DISP1: variants seen among roughly 807,000 people sequenced by gnomAD.
DISP1 encodes the protein protein dispatched homolog 1.
Under a neutral mutation model 37.3 loss-of-function variants are expected in DISP1, and 30 were observed. The ratio of observed to expected loss-of-function variants is 0.80; its 90% CI spans 0.60 to 1.09. DISP1 has a LOEUF of 1.09. DISP1 is among the 50% of genes least tolerant of loss of function. The pLI is 0.00. For missense variants in DISP1, 1,598 were observed against 1,879.5 expected, an observed-to-expected ratio of 0.85 and a Z score of 2.77; for synonymous variants, 634 against 690.2, an observed-to-expected ratio of 0.92 and a Z score of 1.28.
intron 1 of DISP1, among the ~76,000 whole-genome samples, chr1:222,905,100 A>G (rs868054546): frequency 5.1e-4 from 78 of 152,314 alleles, no homozygotes; most frequent in African/African-American, 1.8e-3. Flanking sequence ...AAACTGATTT[A>G]AGAACAAGTT....
chr1:223,002,505 A>G lies in DISP1; in HGVS notation c.1108A>G (p.Ile370Val). The G allele has an allele frequency of 1.2e-6, 2 of 1,614,180 alleles. No individual in the cohort carries two copies. The highest frequency in any genetic ancestry group is 1.7e-6 in the Non-Finnish European group (2 of 1,180,036). ...ILNNRSSCQK[I>V]VERDVSHTLK... ...GAACAATAGATCGTCCTGTCAGAAA[A>G]TAGTTGAGCGAGACGTTTCTCATAC... The change falls in exon 9 of 9, where the codon ATA becomes GTA. Residue 370 changes from isoleucine (I) to valine (V), a missense_variant. Physicochemically the swap from Ile to Val is conservative, Grantham distance 29. Coordinates refer to ENST00000675850, the MANE Select transcript of DISP1 (RefSeq NM_001377229.1).
chr1:222,994,739 G>A, intron 7 of DISP1, 146 bp from the exon 8 acceptor site: 4 of 638,704 alleles, frequency 6.3e-6, no homozygotes, highest in Non-Finnish European at 1.1e-5. Flanking sequence ...ATTTTCTCCT[G>A]GAATTTATCA....
At chr1:222,816,098 TATATAA>T (rs1464519308) in intron 1 of DISP1, among the ~76,000 whole-genome samples, 4 of 137,396 alleles carry the variant, frequency 2.9e-5, no homozygotes, top group Non-Finnish European at 4.8e-5. Context: ...TATATATATA[TATATAA>T]ATATTTGCCA....
Position 223,004,170 on chromosome 1 carries a change from T to G in DISP1, c.2773T>G (p.Leu925Val), listed in dbSNP as rs1356125293. The G allele has an allele frequency of 6.2e-6, 10 of 1,614,054 alleles. No individual in the cohort carries two copies. Among genetic ancestry groups the G allele is most frequent in the Non-Finnish European group, 8.5e-6 (10 of 1,180,020 alleles). The part of the protein sequence containing the change: ...DINDTIRAVV[L>V]EFQSTYLFTL... ...CAATGATACTATCAGGGCAGTGGTG[T>G]TAGAGTTCCAGAGTACCTACCTCTT... Residue 925 changes from leucine (L) to valine (V), a missense_variant, in exon 9 of 9, where the codon TTA (leucine) becomes GTA (valine). Leu to Val is a conservative substitution (Grantham distance 32). Transcript: ENST00000675850. The surrounding 1 kb of genome is among the most constrained non-coding windows in gnomAD (Gnocchi z 4.9).
Position 223,004,182 on chromosome 1 carries a change from A to T in DISP1, c.2785A>T (p.Ser929Cys). The change falls in exon 9 of 9, where the codon AGT becomes TGT. Residue 929 changes from serine (S) to cysteine (C), a missense_variant. Ser to Cys is a moderately radical substitution (Grantham distance 112). Transcript: ENST00000675850. This position sits in a 1 kb window ranked among gnomAD's most constrained non-coding sequence, Gnocchi z 4.9. ...CAGGGCAGTGGTGTTAGAGTTCCAG[A>T]GTACCTACCTCTTCACACTGGCTTA... ...TIRAVVLEFQSTYLFTLAYEK... is the reference protein window; with the variant it reads ...TIRAVVLEFQCTYLFTLAYEK... 8 of 1,614,178 alleles carry T rather than the reference A, an allele frequency of 5.0e-6. 2 individuals carry two copies. In the Middle Eastern group the frequency reaches 1.3e-3, roughly 266 times the overall value.
intron 1 of DISP1, among the ~76,000 whole-genome samples, chr1:222,897,138 G>A (rs1042510872): frequency 6.6e-6 from 1 of 152,180 alleles, no homozygotes; most frequent in African/African-American, 2.4e-5. Context: ...TTTTGATATA[G>A]TCATTCAGTG....
intron 1 of DISP1, among the ~76,000 whole-genome samples, chr1:222,904,898 A>G (rs1671814962): frequency 1.3e-5 from 2 of 152,118 alleles, no homozygotes; most frequent in South Asian, 4.1e-4. Context: ...CAGTCATTTG[A>G]TTATATTTTT....
intron 1 of DISP1, among the ~76,000 whole-genome samples, chr1:222,894,796 C>T (rs1671154664): frequency 1.3e-5 from 2 of 152,380 alleles, no homozygotes; most frequent in South Asian, 2.1e-4. Context: ...CCTGCTACAG[C>T]CGGCGACGCT....
chr1:222,935,167 C>T (rs1007118183), intron 2 of DISP1, among the ~76,000 whole-genome samples: 5 of 152,102 alleles, frequency 3.3e-5, no homozygotes, highest in African/African-American at 1.2e-4. Flanking sequence ...AATCTTTATT[C>T]TAACTGCATC....
At chr1:222,863,392 T>C (rs1668994716) in intron 1 of DISP1, among the ~76,000 whole-genome samples, 2 of 152,018 alleles carry the variant, frequency 1.3e-5, no homozygotes, top group Non-Finnish European at 2.9e-5. Flanking sequence ...TAGTGGCGTG[T>C]GCCTGTGGTC....
intron 4 of DISP1, among the ~76,000 whole-genome samples, chr1:222,983,695 T>G (rs1678010717): frequency 6.6e-6 from 1 of 152,184 alleles, no homozygotes; most frequent in Non-Finnish European, 1.5e-5. Flanking sequence ...ATTGGCTTAC[T>G]TAGTGAGGAA....
chr1:222,908,229 T>TA (rs1458826353), intron 1 of DISP1, among the ~76,000 whole-genome samples: 9 of 152,244 alleles, frequency 5.9e-5, no homozygotes, highest in African/African-American at 1.7e-4. Flanking sequence ...TCTTAGAAGA[T>TA]AAAGTTATCA....
chr1:222,891,385 A>C (rs1670933499), intron 1 of DISP1, among the ~76,000 whole-genome samples: 1 of 152,178 alleles, frequency 6.6e-6, no homozygotes, highest in Admixed American at 6.5e-5. Context: ...ATCCAGTAGA[A>C]AGATAGAAAT....
At chr1:222,884,949 G>T (rs2125374085) in intron 1 of DISP1, among the ~76,000 whole-genome samples, 1 of 152,174 alleles carries the variant, frequency 6.6e-6, no homozygotes, top group South Asian at 2.1e-4. Context: ...CCATTCTCCT[G>T]CCTCAGCCCC....
intron 2 of DISP1, among the ~76,000 whole-genome samples, chr1:222,931,685 C>CT (rs5781291): frequency 2.1e-5 from 3 of 140,628 alleles, no homozygotes; most frequent in South Asian, 2.3e-4. Flanking sequence ...CACCAGGAAT[C>CT]TTTTTTTTTT....
intron 7 of DISP1, among the ~76,000 whole-genome samples, chr1:222,993,426 G>A (rs1572720527): frequency 6.6e-6 from 1 of 152,202 alleles, no homozygotes; most frequent in Admixed American, 6.5e-5. Flanking sequence ...AGCTTTTGCT[G>A]TTGGTGTTGA....
At chr1:222,848,097 T>C (rs1453420454) in intron 1 of DISP1, among the ~76,000 whole-genome samples, 1 of 152,184 alleles carries the variant, frequency 6.6e-6, no homozygotes, top group Non-Finnish European at 1.5e-5. Context: ...AACTAGTTAT[T>C]TCAACATTCA....
At chr1:222,882,503 G>A (rs763953770) in intron 1 of DISP1, among the ~76,000 whole-genome samples, 7 of 152,090 alleles carry the variant, frequency 4.6e-5, no homozygotes, top group East Asian at 1.9e-4. Flanking sequence ...TCTTCTCTGC[G>A]TTAGATTTAA....
chr1:222,950,274 T>C (rs1482017421), intron 3 of DISP1, among the ~76,000 whole-genome samples: 1 of 151,966 alleles, frequency 6.6e-6, no homozygotes, highest in Non-Finnish European at 1.5e-5. Flanking sequence ...AGGGAAAGCT[T>C]TCAAAAACCA....
Sources: allele counts gnomAD v4.1 joint callset (sites outside exome capture counted in the v4.1 genomes callset), GRCh38; gene constraint gnomAD v4.1.1; non-coding constraint Gnocchi (gnomAD v3.1); transcripts MANE v1.5; gene names NCBI Gene and HGNC (gene_info 2026-07-23, HGNC 2026-07-21).